Variants in RAB31 observed in about 807,000 individuals in gnomAD.
The protein encoded by RAB31 is ras-related protein Rab-31.
Under a neutral mutation model 25.6 loss-of-function variants are expected in RAB31, and 21 were observed. That is an observed-to-expected ratio of 0.82 (90% CI 0.58 to 1.18). The LOEUF (loss-of-function observed/expected upper bound fraction) is 1.18. Among genes scored for constraint, RAB31 ranks in the 50% most tolerant of loss-of-function variants. The pLI is 0.00. For missense variants in RAB31, 196 were observed against 250.1 expected (o/e 0.78, Z 1.46); for synonymous variants, 87 against 84.0 (o/e 1.04, Z -0.20).
At chr18:9,761,315 C>T (rs1317095061) in intron 1 of RAB31, among the ~76,000 whole-genome samples, 1 of 152,142 alleles carries the variant, frequency 6.6e-6, no homozygotes, top group South Asian at 2.1e-4. Context: ...TACCTTAAAC[C>T]TTAATGTCCT....
intron 1 of RAB31, among the ~76,000 whole-genome samples, chr18:9,727,490 T>C (rs958535972): frequency 6.6e-6 from 1 of 152,134 alleles, no homozygotes; most frequent in African/African-American, 2.4e-5. Context: ...AATTTTTAAA[T>C]TTTTTGTAGA....
At chr18:9,750,347 T>C (rs1484180661) in intron 1 of RAB31, among the ~76,000 whole-genome samples, 2 of 152,238 alleles carry the variant, frequency 1.3e-5, no homozygotes, top group Non-Finnish European at 2.9e-5. Context: ...CGGTTGACCC[T>C]GGCGTTCTTG....
intron 5 of RAB31, among the ~76,000 whole-genome samples, chr18:9,834,347 C>T (rs2068693900): frequency 6.6e-6 from 1 of 152,160 alleles, no homozygotes; most frequent in African/African-American, 2.4e-5. Flanking sequence ...AACTCCTGAC[C>T]TCAGGTGATC....
chr18:9,807,116 G>A (rs535253739), intron 3 of RAB31, among the ~76,000 whole-genome samples: 1 of 152,312 alleles, frequency 6.6e-6, no homozygotes, highest in East Asian at 1.9e-4. Flanking sequence ...CTGGGGCTGG[G>A]TCTGAAGGCC....
intron 1 of RAB31, among the ~76,000 whole-genome samples, chr18:9,764,124 A>G (rs182040824): frequency 1.3e-5 from 2 of 152,342 alleles, no homozygotes; most frequent in African/African-American, 2.4e-5. Context: ...TTAGTTTCAC[A>G]TGCGTAGCCA....
intron 5 of RAB31, among the ~76,000 whole-genome samples, chr18:9,829,916 T>A (rs986224592): frequency 4.6e-5 from 7 of 152,108 alleles, no homozygotes; most frequent in Admixed American, 2.0e-4. Context: ...TTGATGCTAT[T>A]CTTTTGTTAT....
At chr18:9,837,681 G>A (rs1390493881) in intron 5 of RAB31, among the ~76,000 whole-genome samples, 2 of 152,204 alleles carry the variant, frequency 1.3e-5, no homozygotes, top group African/African-American at 4.8e-5. Flanking sequence ...CATGGAACAA[G>A]AAACACTCAT....
chr18:9,802,996 A>C (rs2068521517), intron 3 of RAB31, among the ~76,000 whole-genome samples: 2 of 152,202 alleles, frequency 1.3e-5, no homozygotes, highest in African/African-American at 4.8e-5. Context: ...GCCTCTTACA[A>C]GCTCAGAATG....
chr18:9,732,093 C>T (rs937886959), intron 1 of RAB31, among the ~76,000 whole-genome samples: 1 of 152,206 alleles, frequency 6.6e-6, no homozygotes, highest in South Asian at 2.1e-4. Context: ...GCCCAGCCTC[C>T]GTCTCCCTCA....
chr18:9,852,587 A>C (rs1459423290), intron 6 of RAB31, among the ~76,000 whole-genome samples: 2 of 147,918 alleles, frequency 1.4e-5, no homozygotes, highest in Non-Finnish European at 3.0e-5. Flanking sequence ...GATTTTGCTG[A>C]GTTCCTTTTT....
At chr18:9,830,047 G>A (rs555031158) in intron 5 of RAB31, among the ~76,000 whole-genome samples, 37 of 150,522 alleles carry the variant, frequency 2.5e-4, no homozygotes, top group South Asian at 2.3e-3. Flanking sequence ...AGGGTCTTAC[G>A]TAGTTGCCCA....
intron 1 of RAB31, among the ~76,000 whole-genome samples, chr18:9,768,219 C>A (rs1320220078): frequency 6.6e-6 from 1 of 152,162 alleles, no homozygotes; most frequent in Non-Finnish European, 1.5e-5. Flanking sequence ...TGTATATAAC[C>A]AGTCATGGGA....
intron 5 of RAB31, among the ~76,000 whole-genome samples, chr18:9,822,803 G>T (rs960807644): frequency 6.6e-6 from 1 of 152,176 alleles, no homozygotes. Context: ...TCATCCATAC[G>T]TTGCCGGTGT....
chr18:9,709,130 T>TCCC (rs2068002820), intron 1 of RAB31, among the ~76,000 whole-genome samples: 1 of 151,932 alleles, frequency 6.6e-6, no homozygotes, highest in Non-Finnish European at 1.5e-5. Context: ...CCACCATCAC[T>TCCC]CCCCTAAAGT....
intron 3 of RAB31, among the ~76,000 whole-genome samples, chr18:9,806,991 G>C (rs1487235413): frequency 6.6e-6 from 1 of 152,236 alleles, no homozygotes. Flanking sequence ...TCTGGTGGCT[G>C]TGTGGCCAGT....
chr18:9,719,304 T>C (rs1378317206), intron 1 of RAB31, among the ~76,000 whole-genome samples: 1 of 26,836 alleles, frequency 3.7e-5, no homozygotes, highest in African/African-American at 1.0e-4. Context: ...AAAAAATATA[T>C]ATATATATAT....
chr18:9,759,019 T>C (rs1202800666), intron 1 of RAB31, among the ~76,000 whole-genome samples: 2 of 151,884 alleles, frequency 1.3e-5, no homozygotes, highest in East Asian at 3.9e-4. Context: ...TCAAGCAGTG[T>C]GCGGCTTTGA....
intron 2 of RAB31, among the ~76,000 whole-genome samples, chr18:9,777,689 TGTGCCTTCTACTTTC>T (rs1189261634): frequency 6.6e-6 from 1 of 152,132 alleles, no homozygotes; most frequent in Non-Finnish European, 1.5e-5. Context: ...AGGAGAGATT[TGTGCCTTCTACTTTC>T]TAAACTTTTG....
intron 5 of RAB31, among the ~76,000 whole-genome samples, chr18:9,824,376 A>G (rs1311979339): frequency 7.0e-6 from 1 of 143,648 alleles, no homozygotes; most frequent in Non-Finnish European, 1.5e-5. Context: ...GTGTGTGTAG[A>G]TGTGTATGTG....
Sources: allele counts gnomAD v4.1 joint callset (sites outside exome capture counted in the v4.1 genomes callset), GRCh38; gene constraint gnomAD v4.1.1; transcripts MANE v1.5; gene names NCBI Gene and HGNC (gene_info 2026-07-23, HGNC 2026-07-21).